LAMA2: variants seen among roughly 807,000 people sequenced by gnomAD.
LAMA2 encodes laminin subunit alpha-2.
LAMA2 carries 269 observed loss-of-function variants against 364.8 expected under a neutral mutation model. That is an observed-to-expected ratio of 0.74 (90% CI 0.67 to 0.82). The LOEUF (loss-of-function observed/expected upper bound fraction) is 0.82. Ranked by LOEUF, LAMA2 falls within the 40% of genes least tolerant of loss-of-function variation. The probability of loss-of-function intolerance (pLI) is 0.00; values close to 1 mark genes in which losing one functional copy is unlikely to be tolerated. For missense variants in LAMA2, 3,807 were observed against 3,873.2 expected (o/e 0.98, Z 0.45); for synonymous variants, 1,379 against 1,370.6 (o/e 1.01, Z -0.14).
chr6:129,469,379 A>G (rs1340534844), intron 51 of LAMA2, among the ~76,000 whole-genome samples: 1 of 151,926 alleles, frequency 6.6e-6, no homozygotes, highest in Non-Finnish European at 1.5e-5. Context: ...AAAGAAATGC[A>G]GAATAAATCC....
At chr6:129,101,229 A>T (rs1775503869) in intron 4 of LAMA2, among the ~76,000 whole-genome samples, 1 of 152,208 alleles carries the variant, frequency 6.6e-6, no homozygotes, top group South Asian at 2.1e-4. Context: ...CATTGAGAAG[A>T]TAACTTCTCA....
chr6:128,905,772 T>G (rs1485377345), intron 1 of LAMA2, among the ~76,000 whole-genome samples: 1 of 151,878 alleles, frequency 6.6e-6, no homozygotes, highest in Non-Finnish European at 1.5e-5. Context: ...CTCCCAATGC[T>G]ATCCCTCCCC....
At chr6:129,128,373 ATGCTATTT>A (rs1211048637) in intron 4 of LAMA2, among the ~76,000 whole-genome samples, 3 of 152,150 alleles carry the variant, frequency 2.0e-5, no homozygotes, top group Non-Finnish European at 4.4e-5. Flanking sequence ...TGCCAGTACC[ATGCTATTT>A]TAATTAATAC....
chr6:129,397,136 GAATA>G (rs532554136), intron 37 of LAMA2, among the ~76,000 whole-genome samples: 251 of 151,878 alleles, frequency 1.7e-3, no homozygotes, highest in Admixed American at 2.9e-3. Context: ...CAAAGCTCTG[GAATA>G]AATAAAGATC....
chr6:128,887,517 A>G lies in LAMA2; in HGVS notation c.112+4160A>G, dbSNP rs1413615729. Among the ~76,000 whole-genome samples the G allele has an allele frequency of 2.6e-5, 4 of 152,262 alleles. No individual in the cohort carries two copies. In the South Asian group the frequency reaches 8.3e-4, roughly 32 times the overall value. On this transcript the variant is annotated intron_variant, in intron 1 of 64. Transcript: ENST00000421865. ...ATCAATGTGTACAGATTTCTGGTCT[A>G]TCTTAAGATTTTTCTACCCTAGGAT...
chr6:128,942,601 TGTGTACA>T (rs1304191246), intron 1 of LAMA2, among the ~76,000 whole-genome samples: 1 of 152,214 alleles, frequency 6.6e-6, no homozygotes, highest in African/African-American at 2.4e-5. Context: ...TTGTTGTTGT[TGTGTACA>T]GTGGAGATGG....
chr6:129,486,530 G>C lies in LAMA2; in HGVS notation c.7806G>C (p.Gly2602=), dbSNP rs1318341677. Reference sequence around the variant, plus strand: ...GTCTGGAAGTGCATCTCTCCACAGGGGCACGAACAATGAGGAAAATTGTGA... The same window carrying C: ...GTCTGGAAGTGCATCTCTCCACAGGCGCACGAACAATGAGGAAAATTGTGA... ...RGRLEVHLST[G]ARTMRKIVIR... is the part of the protein sequence containing the mutation. The change falls in exon 56 of 65, where the codon GGG becomes GGC. Residue 2602 remains glycine, a synonymous_variant. Coordinates refer to ENST00000421865, the MANE Select transcript of LAMA2 (RefSeq NM_000426.4). The C allele has an allele frequency of 6.2e-7, 1 of 1,613,834 alleles. No individual in the cohort carries two copies. Among genetic ancestry groups the C allele is most frequent in the African/African-American group, 1.3e-5 (1 of 74,974 alleles).
At chr6:129,186,282 G>A (rs1464840720) in intron 10 of LAMA2, among the ~76,000 whole-genome samples, 1 of 151,514 alleles carries the variant, frequency 6.6e-6, no homozygotes, top group Non-Finnish European at 1.5e-5. Context: ...GAATCATAAA[G>A]GAAAATAGAA....
intron 34 of LAMA2, among the ~76,000 whole-genome samples, chr6:129,378,423 C>T (rs1478886803): frequency 1.3e-5 from 2 of 152,170 alleles, no homozygotes; most frequent in African/African-American, 4.8e-5. Flanking sequence ...GGTGATAGTG[C>T]ATTTGTCATA....
intron 34 of LAMA2, among the ~76,000 whole-genome samples, chr6:129,379,928 T>A (rs1778586570): frequency 6.6e-6 from 1 of 152,174 alleles, no homozygotes; most frequent in Non-Finnish European, 1.5e-5. Flanking sequence ...TTGATTGTCA[T>A]TGTATCCACC....
At chr6:129,171,588 C>A (rs1780157846) in intron 9 of LAMA2, among the ~76,000 whole-genome samples, 1 of 151,822 alleles carries the variant, frequency 6.6e-6, no homozygotes, top group African/African-American at 2.4e-5. Context: ...CCCGACCTTT[C>A]TCTCTGGCTG....
chr6:129,090,135 TATTC>T, intron 3 of LAMA2, among the ~76,000 whole-genome samples: 1 of 152,344 alleles, frequency 6.6e-6, no homozygotes, highest in Admixed American at 6.5e-5. Flanking sequence ...CAAGCTTTTT[TATTC>T]TGATATAAAA....
At chr6:128,887,243 G>C (rs988659130) in intron 1 of LAMA2, among the ~76,000 whole-genome samples, 2 of 151,884 alleles carry the variant, frequency 1.3e-5, no homozygotes, top group African/African-American at 4.8e-5. Flanking sequence ...AAATTTTCAG[G>C]GGATTCATAG....
At chr6:129,318,525 A>G (rs939478317) in intron 27 of LAMA2, among the ~76,000 whole-genome samples, 1 of 152,176 alleles carries the variant, frequency 6.6e-6, no homozygotes, top group Non-Finnish European at 1.5e-5. Flanking sequence ...AAGAGAAAGG[A>G]GAATGAAGCC....
chr6:129,428,365 G>A (rs181505103), intron 41 of LAMA2, among the ~76,000 whole-genome samples: 5 of 152,336 alleles, frequency 3.3e-5, no homozygotes, highest in East Asian at 1.9e-4. Flanking sequence ...GCCCAGGGGC[G>A]TGAAGTTACC....
chr6:128,991,475 T>C (rs1022335482), intron 1 of LAMA2, among the ~76,000 whole-genome samples: 1 of 152,216 alleles, frequency 6.6e-6, no homozygotes, highest in African/African-American at 2.4e-5. Flanking sequence ...CCGAGTAAAA[T>C]GCAGTCAGGT....
Position 129,146,485 on chromosome 6 carries a change from A to G in LAMA2, c.820-474A>G, listed in dbSNP as rs558747926. On this transcript the variant is annotated intron_variant, in intron 5 of 64. Coordinates refer to ENST00000421865, the MANE Select transcript of LAMA2 (RefSeq NM_000426.4). ...TTTCTTCTTAATATGGTTAAGGAAT[A>G]TATTGTTATGAGCACAATTTCTACC... Among the ~76,000 whole-genome samples the G allele has an allele frequency of 7.8e-4, 119 of 152,174 alleles. 1 individual carries two copies. In the South Asian group the frequency reaches 0.023, roughly 30 times the overall value.
At chr6:129,404,051 G>T (rs577964941) in intron 40 of LAMA2, 92 bp downstream of exon 40, 31 of 1,423,628 alleles carry the variant, frequency 2.2e-5, no homozygotes, top group Non-Finnish European at 3.0e-5. Context: ...CAGTAAATTG[G>T]TATATTTGTT....
At chr6:129,343,704 G>A (rs1776392758) in intron 30 of LAMA2, among the ~76,000 whole-genome samples, 1 of 152,120 alleles carries the variant, frequency 6.6e-6, no homozygotes, top group African/African-American at 2.4e-5. Context: ...ATATACAAGA[G>A]AAGCATGCCA....
Sources: allele counts gnomAD v4.1 joint callset (sites outside exome capture counted in the v4.1 genomes callset), GRCh38; gene constraint gnomAD v4.1.1; transcripts MANE v1.5; gene names NCBI Gene and HGNC (gene_info 2026-07-23, HGNC 2026-07-21).